The following SCMH1 variants were observed in gnomAD, a reference collection of about 807,000 sequenced individuals.
SCMH1 encodes polycomb protein SCMH1.
SCMH1 carries 37 observed loss-of-function variants against 70.8 expected under a neutral mutation model. The ratio of observed to expected loss-of-function variants is 0.52; its 90% CI spans 0.40 to 0.69. SCMH1 has a LOEUF of 0.69. Among genes scored for constraint, SCMH1 ranks in the 30% least tolerant of loss-of-function variants. The pLI is 0.00. For synonymous variants in SCMH1, 292 were observed against 307.4 expected (o/e 0.95, Z 0.52); for missense variants, 607 against 827.3 (o/e 0.73, Z 3.27).
chr1:41,193,166 A>G (rs1427224121), intron 1 of SCMH1, among the ~76,000 whole-genome samples: 3 of 152,224 alleles, frequency 2.0e-5, no homozygotes, highest in Non-Finnish European at 2.9e-5. Context: ...TTTTACCTCA[A>G]GCATACACTA....
At chr1:41,121,143 G>A (rs1274493328) in intron 6 of SCMH1, among the ~76,000 whole-genome samples, 23 of 152,092 alleles carry the variant, frequency 1.5e-4, no homozygotes. Context: ...GAATCAATGG[G>A]TTGTTCTAAA....
intron 6 of SCMH1, among the ~76,000 whole-genome samples, chr1:41,135,946 C>CTTTT (rs904347707): frequency 1.4e-5 from 2 of 139,944 alleles, no homozygotes; most frequent in African/African-American, 2.6e-5. Context: ...TGTATATTTT[C>CTTTT]TTTTTTTTTT....
At chr1:41,049,310 A>ATG (rs3030391) in intron 10 of SCMH1, among the ~76,000 whole-genome samples, 96 of 149,610 alleles carry the variant, frequency 6.4e-4, no homozygotes, top group East Asian at 1.4e-3. Flanking sequence ...GCAAGGGCAT[A>ATG]TGTGTGTGTG....
chr1:41,219,482 T>C (rs1313898083), intron 1 of SCMH1, among the ~76,000 whole-genome samples: 1 of 152,144 alleles, frequency 6.6e-6, no homozygotes, highest in Non-Finnish European at 1.5e-5. Flanking sequence ...TCTCATAAAC[T>C]TGTAGAGTCT....
In SCMH1 at chr1:41,117,024, A is replaced by G; in HGVS notation, c.413-14T>C. On this transcript the variant is annotated splice_polypyrimidine_tract_variant and intron_variant, in intron 6 of 14. Coordinates refer to ENST00000337495, the Ensembl canonical transcript of SCMH1. ...TCAGCCGAAATCCTGCAGCAAGCAT[A>G]ATGGGCAACAGATTAAAAGTATGTT... 2 of 1,601,876 alleles carry G rather than the reference A, an allele frequency of 1.2e-6. No homozygotes were observed.
intron 6 of SCMH1, among the ~76,000 whole-genome samples, chr1:41,132,281 C>A (rs574955867): frequency 1.3e-5 from 2 of 152,272 alleles, no homozygotes; most frequent in African/African-American, 2.4e-5. Context: ...TTTTGATTTG[C>A]ATTTCTCTAA....
intron 1 of SCMH1, among the ~76,000 whole-genome samples, chr1:41,219,579 T>C (rs1159601312): frequency 6.6e-6 from 1 of 152,302 alleles, no homozygotes. Flanking sequence ...CAGAATACCA[T>C]AATTGAAGTC....
intron 5 of SCMH1, among the ~76,000 whole-genome samples, chr1:41,147,506 G>T (rs988555961): frequency 3.9e-5 from 6 of 152,110 alleles, no homozygotes; most frequent in African/African-American, 1.4e-4. Flanking sequence ...TGGAAAGAAT[G>T]TGTATCTACA....
intron 5 of SCMH1, among the ~76,000 whole-genome samples, chr1:41,146,173 C>T (rs989548761): frequency 1.3e-5 from 2 of 150,596 alleles, no homozygotes; most frequent in Non-Finnish European, 2.9e-5. Context: ...TCTGTGTAGG[C>T]CTAGGGTAAT....
At chr1:41,133,433 G>A (rs954945548) in intron 6 of SCMH1, among the ~76,000 whole-genome samples, 2 of 152,038 alleles carry the variant, frequency 1.3e-5, no homozygotes, top group East Asian at 3.9e-4. Flanking sequence ...AAATAACTAA[G>A]GTAAGTGCAG....
Position 41,131,653 on chromosome 1 carries a change from A to C in SCMH1, c.412+11225T>G, listed in dbSNP as rs112722006. Among the ~76,000 whole-genome samples the C allele has an allele frequency of 9.5e-3, 1,453 of 152,284 alleles. 29 individuals carry two copies. The highest frequency in any genetic ancestry group is 0.033 in the African/African-American group (1,371 of 41,548). ...GGTGCCATGTTGGTTTGCTGCACCC[A>C]TCAACTCGTCATTTACATTAGGTAT... On this transcript the variant is annotated intron_variant, in intron 6 of 14. Transcript: ENST00000337495.
chr1:41,081,789 T>C (rs1660104648), intron 8 of SCMH1, among the ~76,000 whole-genome samples: 1 of 149,924 alleles, frequency 6.7e-6, no homozygotes, highest in Non-Finnish European at 1.5e-5. Context: ...CACTGCACTC[T>C]AGTCTAGGTG....
At chr1:41,124,634 G>A (rs923085685) in intron 6 of SCMH1, among the ~76,000 whole-genome samples, 4 of 151,634 alleles carry the variant, frequency 2.6e-5, no homozygotes, top group Admixed American at 2.6e-4. Context: ...TTGAGACAGG[G>A]TCTTTCTCTG....
At chr1:41,029,196 C>T (rs947261033) in intron 13 of SCMH1, among the ~76,000 whole-genome samples, 31 of 152,198 alleles carry the variant, frequency 2.0e-4, no homozygotes, top group African/African-American at 7.2e-4. Flanking sequence ...CAGCCTGATA[C>T]ACTAAGGCAG....
chr1:41,171,579 T>G (rs1429146571), intron 2 of SCMH1, among the ~76,000 whole-genome samples: 1 of 151,840 alleles, frequency 6.6e-6, no homozygotes, highest in African/African-American at 2.4e-5. Flanking sequence ...GTACTTTTAC[T>G]GTCATCCAAC....
intron 11 of SCMH1, 122 bp from the exon 12 acceptor site, chr1:41,046,720 CCCA>C: frequency 1.3e-6 from 1 of 744,124 alleles, no homozygotes; most frequent in Non-Finnish European, 2.3e-6. Flanking sequence ...GAATCAGTGC[CCCA>C]CGTTTCCTCC....
chr1:41,189,898 C>T (rs954019615), intron 1 of SCMH1, among the ~76,000 whole-genome samples: 14 of 152,158 alleles, frequency 9.2e-5, no homozygotes, highest in Non-Finnish European at 1.6e-4. Flanking sequence ...TGAGGCAGAG[C>T]GTAAGAGAAG....
At chr1:41,124,320 T>C (rs1206354978) in intron 6 of SCMH1, among the ~76,000 whole-genome samples, 1 of 152,126 alleles carries the variant, frequency 6.6e-6, no homozygotes, top group African/African-American at 2.4e-5. Context: ...ACTCAGGAAA[T>C]TTAATTAAAA....
At chr1:41,240,849 G>C (rs1417106276) in intron 1 of SCMH1, among the ~76,000 whole-genome samples, 2 of 151,664 alleles carry the variant, frequency 1.3e-5, no homozygotes, top group East Asian at 3.9e-4. Context: ...GTTTCTTAGA[G>C]AAACTTACTA....
Sources: allele counts gnomAD v4.1 joint callset (sites outside exome capture counted in the v4.1 genomes callset), GRCh38; gene constraint gnomAD v4.1.1; transcripts MANE v1.5; gene names NCBI Gene and HGNC (gene_info 2026-07-23, HGNC 2026-07-21).